Variants in KSR1 observed in about 807,000 individuals in gnomAD.
The protein encoded by KSR1 is kinase suppressor of ras.
A neutral mutation model predicts 92.9 loss-of-function variants in KSR1; 35 were observed. That is an observed-to-expected ratio of 0.38 (90% CI 0.29 to 0.50). The LOEUF is 0.50. KSR1 is among the 20% of genes least tolerant of loss of function. The probability of loss-of-function intolerance (pLI) is 0.94; values close to 1 mark genes in which losing one functional copy is unlikely to be tolerated. For synonymous variants in KSR1, 467 were observed against 472.6 expected, an observed-to-expected ratio of 0.99 and a Z score of 0.15; for missense variants, 972 against 1,158.5, an observed-to-expected ratio of 0.84 and a Z score of 2.34.
At chr17:27,468,662 C>T (rs1286991564) in intron 1 of KSR1, among the ~76,000 whole-genome samples, 1 of 152,220 alleles carries the variant, frequency 6.6e-6, no homozygotes, top group Non-Finnish European at 1.5e-5. Flanking sequence ...TGAGCTGTAC[C>T]TATCTCAGCA....
intron 1 of KSR1, among the ~76,000 whole-genome samples, chr17:27,500,450 TGTG>T (rs2069137565): frequency 1.3e-5 from 2 of 152,068 alleles, no homozygotes; most frequent in African/African-American, 4.8e-5. Flanking sequence ...TCTATGGAGG[TGTG>T]GTAGCCAGCA....
At chr17:27,594,500 ACT>A (rs1190608714) in intron 9 of KSR1, among the ~76,000 whole-genome samples, 3 of 150,892 alleles carry the variant, frequency 2.0e-5, no homozygotes, top group Admixed American at 1.3e-4. Context: ...TCCTCACAGC[ACT>A]CTCTCTCTGT....
At chr17:27,526,455 T>C in intron 1 of KSR1, 1 of 1,581,138 alleles carries the variant, frequency 6.3e-7, no homozygotes, top group Non-Finnish European at 8.6e-7. Flanking sequence ...TTTGTAGTTT[T>C]TTTTCCCAAT....
chr17:27,543,754 C>T (rs1412663858), intron 1 of KSR1, among the ~76,000 whole-genome samples: 1 of 152,194 alleles, frequency 6.6e-6, no homozygotes, highest in Non-Finnish European at 1.5e-5. Context: ...CCGTCACATC[C>T]TCTGGTGCTG....
chr17:27,478,873 C>T (rs1180929973), intron 1 of KSR1, among the ~76,000 whole-genome samples: 1 of 152,156 alleles, frequency 6.6e-6, no homozygotes, highest in Non-Finnish European at 1.5e-5. Flanking sequence ...GCTGGTGTCA[C>T]GAGAACATGG....
At chr17:27,535,694 T>C (rs2070728728) in intron 1 of KSR1, among the ~76,000 whole-genome samples, 1 of 152,226 alleles carries the variant, frequency 6.6e-6, no homozygotes, top group Non-Finnish European at 1.5e-5. Flanking sequence ...AGATTAAGAT[T>C]GCAGCGAAGG....
intron 10 of KSR1, among the ~76,000 whole-genome samples, chr17:27,599,684 A>G (rs1477171398): frequency 1.3e-5 from 2 of 152,342 alleles, no homozygotes; most frequent in South Asian, 4.1e-4. Context: ...TTATTTTAAA[A>G]TATTCTCCTC....
At chr17:27,550,076 G>T (rs1036565098) in intron 1 of KSR1, among the ~76,000 whole-genome samples, 1 of 152,152 alleles carries the variant, frequency 6.6e-6, no homozygotes, top group African/African-American at 2.4e-5. Flanking sequence ...GTCTTGTTCT[G>T]TCACCCGGGC....
intron 9 of KSR1, among the ~76,000 whole-genome samples, chr17:27,595,057 C>G (rs1181579210): frequency 6.6e-6 from 1 of 152,230 alleles, no homozygotes; most frequent in African/African-American, 2.4e-5. Flanking sequence ...ATGATGTCAA[C>G]TATCCCTGGC....
At chr17:27,571,840 G>C (rs2072321302) in intron 2 of KSR1, among the ~76,000 whole-genome samples, 1 of 152,226 alleles carries the variant, frequency 6.6e-6, no homozygotes. Context: ...GCATTTTCCT[G>C]GTCCACCTGA....
chr17:27,588,217 A>G (rs955554094), intron 5 of KSR1: 1 of 299,996 alleles, frequency 3.3e-6, no homozygotes, highest in Non-Finnish European at 6.2e-6. Flanking sequence ...TCATCTGGAA[A>G]CATCACAGGG....
intron 1 of KSR1, among the ~76,000 whole-genome samples, chr17:27,522,614 C>A (rs2070088428): frequency 3.3e-5 from 5 of 152,180 alleles, no homozygotes; most frequent in Non-Finnish European, 7.3e-5. Context: ...GGGACAAACA[C>A]CTTCACATTG....
At chr17:27,620,148 G>A (rs533152097) in intron 19 of KSR1, among the ~76,000 whole-genome samples, 14 of 152,334 alleles carry the variant, frequency 9.2e-5, no homozygotes, top group Admixed American at 5.2e-4. Flanking sequence ...CTGGAGGAAC[G>A]ACTGTGTGGG....
intron 1 of KSR1, among the ~76,000 whole-genome samples, chr17:27,520,459 A>G (rs558772403): frequency 3.3e-5 from 5 of 152,344 alleles, no homozygotes; most frequent in Admixed American, 2.6e-4. Context: ...TCTAAAGCTT[A>G]ATCTTTAGAA....
At chr17:27,513,314 G>C (rs2069669662) in intron 1 of KSR1, among the ~76,000 whole-genome samples, 1 of 152,152 alleles carries the variant, frequency 6.6e-6, no homozygotes, top group African/African-American at 2.4e-5. Flanking sequence ...CTGCGGGCTA[G>C]ATGCGGTGGC....
Position 27,623,222 on chromosome 17 carries a change from G to C in KSR1, c.2709-92G>C, listed in dbSNP as rs941030984. The C allele has an allele frequency of 1.7e-5, 12 of 707,134 alleles. No individual in the cohort carries two copies. The African/African-American group carries it at 1.7e-4, about 10-fold the overall frequency. The allele number at this position is 707,134 out of a possible 1,614,324, so 43.8% of individuals were successfully genotyped here. ...ATTTTCATTTCTTGTTGGAGGCCAGGTCCTCTGCTGAACTCATTTCCTAGC... is the reference window on the plus strand; with the variant it reads ...ATTTTCATTTCTTGTTGGAGGCCAGCTCCTCTGCTGAACTCATTTCCTAGC... On this transcript the variant is annotated intron_variant, in intron 20 of 20. Transcript: ENST00000644974.
At chr17:27,511,530 C>T (rs1208572951) in intron 1 of KSR1, among the ~76,000 whole-genome samples, 1 of 152,162 alleles carries the variant, frequency 6.6e-6, no homozygotes, top group Non-Finnish European at 1.5e-5. Context: ...GCAGTTAGAC[C>T]CCACTCAGGA....
chr17:27,527,108 A>G, intron 1 of KSR1: 1 of 378,036 alleles, frequency 2.6e-6, no homozygotes, highest in Admixed American at 3.4e-5. Context: ...AATAGTTCAC[A>G]CATCACTTTT....
In KSR1 at chr17:27,465,750, G is replaced by A. The variant is rs181069424; in HGVS notation, c.231+8876G>A. 9.1e-4 allele frequency among the ~76,000 whole-genome samples: 138 copies of A among 152,198 alleles called. 2 individuals carry two copies. The highest frequency in any genetic ancestry group is 3.2e-3 in the African/African-American group (132 of 41,522). On this transcript the variant is annotated intron_variant, in intron 1 of 20. Coordinates refer to ENST00000644974, the MANE Select transcript of KSR1 (RefSeq NM_001394583.1). ...TTAAAGTGTGGTGGGGCTTTCTTCC[G>A]CATGGCTCCTTGAGGGGTTGAGTCC...
Sources: allele counts gnomAD v4.1 joint callset (sites outside exome capture counted in the v4.1 genomes callset), GRCh38; gene constraint gnomAD v4.1.1; transcripts MANE v1.5; gene names NCBI Gene and HGNC (gene_info 2026-07-23, HGNC 2026-07-21).